Variants in NUTM1 observed in about 807,000 individuals in gnomAD.
NUTM1 encodes NUT midline carcinoma family member 1, also known as NUT family member 1.
NUTM1 carries 39 observed loss-of-function variants against 88.7 expected under a neutral mutation model. The ratio of observed to expected loss-of-function variants is 0.44; its 90% CI spans 0.34 to 0.57. The LOEUF (loss-of-function observed/expected upper bound fraction) is 0.57, where lower values mean the gene tolerates loss of function less well. Among genes scored for constraint, NUTM1 ranks in the 20% least tolerant of loss-of-function variants. NUTM1 has a pLI of 0.01. For synonymous variants in NUTM1, 494 were observed against 538.0 expected (o/e 0.92, Z 1.13); for missense variants, 1,350 against 1,414.5 (o/e 0.95, Z 0.73).
intron 6 of NUTM1, 51 bp downstream of exon 6, chr15:34,354,783 T>C (rs1252617605): frequency 6.4e-7 from 1 of 1,567,962 alleles, no homozygotes; most frequent in Non-Finnish European, 8.8e-7. Context: ...GGGTGGGTAC[T>C]CCCGGGAACT....
intron 4 of NUTM1, among the ~76,000 whole-genome samples, chr15:34,351,391 A>G (rs553350712): frequency 2.6e-5 from 4 of 151,568 alleles, no homozygotes; most frequent in South Asian, 4.2e-4. Context: ...CAAAAAAAAA[A>G]AAAAGAAAAG....
Position 34,348,078 on chromosome 15 carries a change from C to G in NUTM1, c.210C>G (p.Pro70=), listed in dbSNP as rs768087638. 5.0e-6 allele frequency: 8 copies of G among 1,614,008 alleles called. No individual in the cohort carries two copies. The highest frequency in any genetic ancestry group is 6.8e-6 in the Non-Finnish European group (8 of 1,180,024). ...PPTSDPPDHP[P]REPPPQPIMP... is the part of the protein sequence containing the mutation. The stretch of plus-strand genomic sequence containing the variant: ...CTTCTGACCCACCAGACCACCCACC[C>G]AGGGAGCCACCTCCACAGCCCATCA... The change falls in exon 3 of 8, where the codon CCC becomes CCG. Residue 70 remains proline (P), a synonymous_variant. Coordinates refer to ENST00000537011, the MANE Select transcript of NUTM1 (RefSeq NM_001284292.2).
chr15:34,354,820 T>A, intron 6 of NUTM1, 88 bp downstream of exon 6: 1 of 1,325,168 alleles, frequency 7.5e-7, no homozygotes, highest in Non-Finnish European at 1.1e-6. Flanking sequence ...TCCAATGCAG[T>A]AGGACTTAGG....
At chr15:34,353,199 T>C (rs1246431549) in intron 4 of NUTM1, among the ~76,000 whole-genome samples, 2 of 151,140 alleles carry the variant, frequency 1.3e-5, no homozygotes, top group African/African-American at 2.4e-5. Flanking sequence ...TCTTTACTTT[T>C]TAAAAATTTT....
intron 4 of NUTM1, among the ~76,000 whole-genome samples, chr15:34,352,279 TA>T (rs1890723503): frequency 6.6e-6 from 1 of 152,210 alleles, no homozygotes; most frequent in Admixed American, 6.5e-5. Flanking sequence ...TTCCTAGACT[TA>T]CCTTTCCAAG....
At position 34,355,692 on chromosome 15, in the gene NUTM1, A is replaced by G. The variant is rs113797264; in HGVS notation, c.1684A>G (p.Arg562Gly). Reference sequence around the variant, plus strand: ...GGTTTCTTCTTCAGGAAAACGGGCAAGAGAAGTGCATGGTGGGCAGGAGCA... The same window carrying G: ...GGTTTCTTCTTCAGGAAAACGGGCAGGAGAAGTGCATGGTGGGCAGGAGCA... ...GKVSSSGKRAREVHGGQEQAL... is the reference protein window; with the variant it reads ...GKVSSSGKRAGEVHGGQEQAL... Residue 562 changes from arginine to glycine, a missense_variant, in exon 8 of 8, where the codon AGA (arginine) becomes GGA (glycine). By Grantham distance (125) the Arg-to-Gly change is moderately radical. Transcript: ENST00000537011. The surrounding 1 kb of genome is among the most constrained non-coding windows in gnomAD (Gnocchi z 4.3). 1 of 1,609,672 alleles carries G rather than the reference A, an allele frequency of 6.2e-7. No homozygotes were observed. The highest frequency in any genetic ancestry group is 1.1e-5 in the South Asian group (1 of 90,716).
At position 34,357,185 on chromosome 15, in the gene NUTM1, AC is replaced by A; in HGVS notation, c.3179del (p.Pro1060GlnfsTer46). 6.2e-7 allele frequency: 1 copy of A among 1,614,174 alleles called. No homozygotes were observed. Among genetic ancestry groups the A allele is most frequent in the Non-Finnish European group, 8.5e-7 (1 of 1,180,026 alleles). On this transcript the variant is annotated frameshift_variant, in exon 8 of 8. Transcript: ENST00000537011. LOFTEE classifies it high-confidence loss of function. ...TCTTGGCCTCTAAACTTAGCCTCTCACCAAGGGAGCATCCCCTCAGTCCTCA... is the reference window on the plus strand; with the variant it reads ...TCTTGGCCTCTAAACTTAGCCTCTCACAAGGGAGCATCCCCTCAGTCCTCA... ...YLLASKLSLS[P>X]REHPLSPHHA...
intron 2 of NUTM1, among the ~76,000 whole-genome samples, chr15:34,347,726 G>A (rs1363107884): frequency 2.6e-5 from 4 of 152,080 alleles, no homozygotes; most frequent in Non-Finnish European, 4.4e-5. Context: ...GGTGGTGGGC[G>A]TCTGTAGTCC....
intron 2 of NUTM1, 50 bp from the exon 3 acceptor site, chr15:34,347,919 C>G: frequency 8.9e-7 from 1 of 1,118,646 alleles, no homozygotes; most frequent in South Asian, 1.7e-5. Context: ...ATGGCTAACT[C>G]TGGTCTTCTT....
chr15:34,355,728 A>G lies in NUTM1; in HGVS notation c.1720A>G (p.Ser574Gly), dbSNP rs761819633. Residue 574 changes from serine (S) to glycine (G), a missense_variant, in exon 8 of 8, where the codon AGC (serine) becomes GGC (glycine). Ser to Gly is a moderately conservative substitution (Grantham distance 56, BLOSUM62 0). Around this residue, in one of 5 missense-constraint regions of NUTM1, gnomAD observed 730 missense variants for 728.8 expected, o/e 1.00. Coordinates refer to ENST00000537011, the MANE Select transcript of NUTM1 (RefSeq NM_001284292.2). This position sits in a 1 kb window ranked among gnomAD's most constrained non-coding sequence, Gnocchi z 4.3. ...VHGGQEQALD[S>G]PRGMHRDGNT... is the part of the protein sequence containing the mutation. ...TGGTGGGCAGGAGCAAGCCCTAGAT[A>G]GCCCCAGAGGGATGCACAGGGATGG... The G allele has an allele frequency of 2.5e-6, 4 of 1,613,346 alleles. No individual in the cohort carries two copies. In the African/African-American group the frequency reaches 5.3e-5, roughly 22 times the overall value.
At chr15:34,354,028 G>T (rs1041532801) in intron 5 of NUTM1, among the ~76,000 whole-genome samples, 156 bp downstream of exon 5, 4 of 152,184 alleles carry the variant, frequency 2.6e-5, no homozygotes, top group Non-Finnish European at 5.9e-5. Flanking sequence ...CCCATAGGAG[G>T]CTGGGTTCTC....
In NUTM1 at chr15:34,348,626, G is replaced by A. The variant is rs747495048; in HGVS notation, c.758G>A (p.Arg253Gln). ...RQWQRYKALARRHLSQSPDTE... is the reference protein window; with the variant it reads ...RQWQRYKALAQRHLSQSPDTE... ...TGGCAGCGTTACAAAGCCTTGGCCC[G>A]GAGGCACCTATCCCAGAGTCCTGAC... is the stretch of plus-strand genomic sequence containing the variant. The change falls in exon 3 of 8, where the codon CGG becomes CAG. Residue 253 changes from arginine to glutamine, a missense_variant. Physicochemically the swap from Arg to Gln is conservative, Grantham distance 43 (BLOSUM62 1). This residue lies in a region of NUTM1 where 399 missense variants were observed against 397.9 expected (regional missense o/e 1.00). Coordinates refer to ENST00000537011, the MANE Select transcript of NUTM1 (RefSeq NM_001284292.2). The A allele has an allele frequency of 1.2e-5, 19 of 1,609,474 alleles. No homozygotes were observed. The highest frequency in any genetic ancestry group is 1.6e-4 in the Middle Eastern group (1 of 6,082).
In NUTM1 at chr15:34,355,704, G is replaced by A. The variant is rs775263884; in HGVS notation, c.1696G>A (p.Gly566Ser). Residue 566 changes from glycine to serine, a missense_variant, in exon 8 of 8, where the codon GGT becomes AGT. Gly to Ser is a moderately conservative substitution (Grantham distance 56, BLOSUM62 0). Around this residue, in one of 5 missense-constraint regions of NUTM1, gnomAD observed 730 missense variants for 728.8 expected, o/e 1.00. Transcript: ENST00000537011. This position sits in a 1 kb window ranked among gnomAD's most constrained non-coding sequence, Gnocchi z 4.3. ...AGGAAAACGGGCAAGAGAAGTGCAT[G>A]GTGGGCAGGAGCAAGCCCTAGATAG... ...SSGKRAREVH[G>S]GQEQALDSPR... is the part of the protein sequence containing the mutation. 6.2e-7 allele frequency: 1 copy of A among 1,610,688 alleles called. No individual in the cohort carries two copies. The highest frequency in any genetic ancestry group is 1.7e-5 in the Admixed American group (1 of 59,562).
In NUTM1 at chr15:34,348,106, C is replaced by G. The variant is rs1234876241; in HGVS notation, c.238C>G (p.Pro80Ala). ...PREPPPQPIMPSVFSPDNPLM... is the reference protein window; with the variant it reads ...PREPPPQPIMASVFSPDNPLM... ...GGAGCCACCTCCACAGCCCATCATG[C>G]CTTCAGTATTCTCTCCAGACAACCC... The change falls in exon 3 of 8, where the codon CCT becomes GCT. Residue 80 changes from proline to alanine, a missense_variant. Pro to Ala is a conservative substitution (Grantham distance 27). This residue lies in a region of NUTM1 where 399 missense variants were observed against 397.9 expected (regional missense o/e 1.00). Transcript: ENST00000537011. 1 of 1,614,034 alleles carries G rather than the reference C, an allele frequency of 6.2e-7. No homozygotes were observed. Among genetic ancestry groups the G allele is most frequent in the African/African-American group, 1.3e-5 (1 of 74,920 alleles).
In NUTM1 at chr15:34,356,446, T is replaced by A. The variant is rs17236868; in HGVS notation, c.2438T>A (p.Val813Glu). 0.03 allele frequency: 48,089 copies of A among 1,612,072 alleles called. 909 individuals carry two copies. The highest frequency in any genetic ancestry group is 0.11 in the Middle Eastern group (684 of 6,050). Residue 813 changes from valine (V) to glutamate (E), a missense_variant, in exon 8 of 8, where the codon GTG becomes GAG. Coordinates refer to ENST00000537011, the MANE Select transcript of NUTM1 (RefSeq NM_001284292.2). ...TLVPGDTESS[V>E]IPCGGTVAAA... is the part of the protein sequence containing the mutation. ...GTACCTGGGGATACGGAGAGCAGTG[T>A]GATTCCCTGTGGAGGCACAGTTGCG...
Position 34,354,430 on chromosome 15 carries a change from C to G in NUTM1, c.1076-16C>G, listed in dbSNP as rs754418734. The G allele has an allele frequency of 3.7e-6, 6 of 1,612,718 alleles. No individual in the cohort carries two copies. The highest frequency in any genetic ancestry group is 3.4e-6 in the Non-Finnish European group (4 of 1,179,516). On this transcript the variant is annotated splice_polypyrimidine_tract_variant and intron_variant, in intron 5 of 7. Transcript: ENST00000537011. ...TCTGTGCTACTTCCCATTCTCCTGT[C>G]CATCTCTTCCCTTAGTGTACATTCC...
rs1890766872 is a variant in NUTM1 at position 34,354,583 on chromosome 15, T to C, written c.1213T>C (p.Trp405Arg). ...AVKEYVDIME[W>R]LVGTHLATGE... ...GAAGGAGTATGTTGACATCATGGAA[T>C]GGCTGGTGGGGACTCACTTGGCCAC... Residue 405 changes from tryptophan (W) to arginine (R), a missense_variant, in exon 6 of 8, where the codon TGG becomes CGG. Physicochemically the swap from Trp to Arg is moderately radical, Grantham distance 101. Transcript: ENST00000537011. 5.0e-6 allele frequency: 8 copies of C among 1,614,160 alleles called. No individual in the cohort carries two copies. The highest frequency in any genetic ancestry group is 6.8e-6 in the Non-Finnish European group (8 of 1,180,026).
chr15:34,357,097 G>A lies in NUTM1; in HGVS notation c.3089G>A (p.Gly1030Glu), dbSNP rs143916967. Reference sequence around the variant, plus strand: ...CACAGGTCAGCAGACAGGGCCAAAGGAAAGGAGAAAAAGAAAAAGGAAGCA... The same window carrying A: ...CACAGGTCAGCAGACAGGGCCAAAGAAAAGGAGAAAAAGAAAAAGGAAGCA... ...KTHRSADRAK[G>E]KEKKKKEAEE... Residue 1030 changes from glycine to glutamate, a missense_variant, in exon 8 of 8, where the codon GGA (glycine) becomes GAA (glutamate). Around this residue, in one of 5 missense-constraint regions of NUTM1, gnomAD observed 730 missense variants for 728.8 expected, o/e 1.00. Transcript: ENST00000537011. 4.0e-4 allele frequency: 644 copies of A among 1,614,024 alleles called. 4 individuals are homozygous for A. The African/African-American group carries it at 7.7e-3, about 19-fold the overall frequency.
Position 34,348,608 on chromosome 15 carries a change from G to C in NUTM1, c.740G>C (p.Arg247Pro), listed in dbSNP as rs144635331. Residue 247 changes from arginine (R) to proline (P), a missense_variant, in exon 3 of 8, where the codon CGT becomes CCT. Around this residue, in one of 5 missense-constraint regions of NUTM1, gnomAD observed 399 missense variants for 397.9 expected, o/e 1.00. Transcript: ENST00000537011. ...DVYENFRQWQRYKALARRHLS... is the reference protein window; with the variant it reads ...DVYENFRQWQPYKALARRHLS... ...TATGAGAACTTCCGTCAGTGGCAGC[G>C]TTACAAAGCCTTGGCCCGGAGGCAC... is the stretch of plus-strand genomic sequence containing the variant. The C allele has an allele frequency of 1.2e-6, 2 of 1,611,290 alleles. No homozygotes were observed. Among genetic ancestry groups the C allele is most frequent in the Non-Finnish European group, 1.7e-6 (2 of 1,180,024 alleles).
Sources: allele counts gnomAD v4.1 joint callset (sites outside exome capture counted in the v4.1 genomes callset), GRCh38; gene constraint gnomAD v4.1.1; regional missense constraint gnomAD v4.1.1; non-coding constraint Gnocchi (gnomAD v3.1); transcripts MANE v1.5; gene names NCBI Gene and HGNC (gene_info 2026-07-23, HGNC 2026-07-21).